The following PKNOX1 variants were observed in gnomAD, a reference collection of about 807,000 sequenced individuals.
PKNOX1 encodes PBX/knotted 1 homeobox 1.
PKNOX1 carries 15 observed loss-of-function variants against 51.9 expected under a neutral mutation model. That is an observed-to-expected ratio of 0.29 (90% confidence interval 0.19 to 0.45). The LOEUF is 0.45. Ranked by LOEUF, PKNOX1 falls within the 20% of genes least tolerant of loss-of-function variation. The pLI, the probability that PKNOX1 is intolerant of heterozygous loss-of-function variation, is 1.00. For missense variants in PKNOX1, 462 were observed against 547.5 expected (o/e 0.84, Z 1.56); for synonymous variants, 219 against 211.1 (o/e 1.04, Z -0.32).
chr21:43,010,267 T>G (rs370008470), intron 4 of PKNOX1, 43 bp downstream of exon 4: 32 of 1,178,428 alleles, frequency 2.7e-5, no homozygotes, highest in Non-Finnish European at 3.7e-5. Context: ...AAATGTGAAA[T>G]CTGTTCATGA....
chr21:43,004,535 G>A (rs777390553), intron 2 of PKNOX1, 103 bp downstream of exon 2: 3 of 812,760 alleles, frequency 3.7e-6, no homozygotes, highest in Admixed American at 1.7e-5. Flanking sequence ...GAGGTTGCAT[G>A]CTCAGTGTTA....
chr21:43,023,761 T>C (rs234718), intron 8 of PKNOX1, among the ~76,000 whole-genome samples: 136,645 of 151,922 alleles, frequency 0.9, 61,574 homozygotes, highest in African/African-American at 0.92. Context: ...ACTACAGGTG[T>C]GTGCCACCAT....
Position 43,013,211 on chromosome 21 carries a change from A to G in PKNOX1, c.495A>G (p.Gly165=). Residue 165 remains glycine, a synonymous_variant, in exon 5 of 11, where the codon GGA becomes GGG. Transcript: ENST00000291547. The part of the protein sequence containing the change: ...NSETLLSGEP[G]SPYSPVQSQQ... Reference sequence around the variant, plus strand: ...AAACTCTGTTGAGTGGAGAGCCTGGAAGCCCGTACTCACCAGTGCAGTCCC... The same window carrying G: ...AAACTCTGTTGAGTGGAGAGCCTGGGAGCCCGTACTCACCAGTGCAGTCCC... The G allele has an allele frequency of 1.2e-6, 2 of 1,612,874 alleles. No homozygotes were observed. Among genetic ancestry groups the G allele is most frequent in the Non-Finnish European group, 1.7e-6 (2 of 1,179,382 alleles).
chr21:43,013,043 A>G, intron 4 of PKNOX1, 25 bp from the exon 5 acceptor site: 1 of 1,553,754 alleles, frequency 6.4e-7, no homozygotes, highest in Non-Finnish European at 8.7e-7. Context: ...TTTTTCTCTG[A>G]AAGTCTTCAT....
At chr21:43,007,288 C>G (rs895152210) in intron 2 of PKNOX1, among the ~76,000 whole-genome samples, 2 of 152,186 alleles carry the variant, frequency 1.3e-5, no homozygotes, top group African/African-American at 2.4e-5. Flanking sequence ...TTGGTTATCT[C>G]AGTTCTTAAG....
chr21:42,993,930 A>G (rs1340624796), intron 1 of PKNOX1, among the ~76,000 whole-genome samples: 1 of 148,254 alleles, frequency 6.7e-6, no homozygotes, highest in Non-Finnish European at 1.5e-5. Flanking sequence ...ACGGGGTTTC[A>G]CCATGTTGGC....
At chr21:43,028,601 C>A in intron 9 of PKNOX1, 101 bp from the exon 10 acceptor site, 1 of 1,035,942 alleles carries the variant, frequency 9.7e-7, no homozygotes, top group Non-Finnish European at 1.5e-6. Flanking sequence ...TTCTTTGTAG[C>A]GTGCTTCGTA....
chr21:42,985,470 G>A (rs977432831), intron 1 of PKNOX1, among the ~76,000 whole-genome samples: 15 of 151,946 alleles, frequency 9.9e-5, no homozygotes, highest in Non-Finnish European at 2.2e-4. Context: ...GAGTAGCTGG[G>A]ATTACAGGTG....
intron 2 of PKNOX1, among the ~76,000 whole-genome samples, chr21:43,005,536 T>C (rs1238483972): frequency 1.6e-4 from 4 of 24,706 alleles, no homozygotes; most frequent in Non-Finnish European, 3.2e-4. Flanking sequence ...CCAATTGACT[T>C]TTTTTTTTTT....
At position 42,983,697 on chromosome 21, in the gene PKNOX1, A is replaced by T. The variant is rs2059037708; in HGVS notation, c.-57+9033A>T. On this transcript the variant is annotated intron_variant, in intron 1 of 10. Coordinates refer to ENST00000291547, the MANE Select transcript of PKNOX1 (RefSeq NM_004571.5). Reference sequence around the variant, plus strand: ...ACTGGAATTCTGTTTTTAATTTTTTAGGGAACCTCCATCCGATTTTTCGCA... The same window carrying T: ...ACTGGAATTCTGTTTTTAATTTTTTTGGGAACCTCCATCCGATTTTTCGCA... Among the ~76,000 whole-genome samples the T allele has an allele frequency of 2.0e-5, 3 of 152,106 alleles. No individual in the cohort carries two copies. In the South Asian group the frequency reaches 6.2e-4, roughly 32 times the overall value.
At chr21:43,029,825 T>G in intron 10 of PKNOX1, 65 bp from the exon 11 acceptor site, 3 of 1,356,582 alleles carry the variant, frequency 2.2e-6, no homozygotes, top group Non-Finnish European at 3.1e-6. Flanking sequence ...AGCACCCAAT[T>G]GAGTAATAAA....
At chr21:42,981,664 A>G (rs1313499395) in intron 1 of PKNOX1, among the ~76,000 whole-genome samples, 2 of 151,986 alleles carry the variant, frequency 1.3e-5, no homozygotes, top group Non-Finnish European at 2.9e-5. Context: ...GGCTCAAGTA[A>G]TCTTCCCGCC....
intron 9 of PKNOX1, among the ~76,000 whole-genome samples, chr21:43,025,270 C>T (rs1421169728): frequency 6.6e-6 from 1 of 152,152 alleles, no homozygotes; most frequent in Non-Finnish European, 1.5e-5. Context: ...ATATCAATAC[C>T]TCATTATGGA....
chr21:42,983,418 C>T (rs1045770096), intron 1 of PKNOX1, among the ~76,000 whole-genome samples: 4 of 152,124 alleles, frequency 2.6e-5, no homozygotes, highest in Non-Finnish European at 4.4e-5. Context: ...CAGCTTAGCT[C>T]ATTTACCATA....
intron 1 of PKNOX1, among the ~76,000 whole-genome samples, chr21:42,980,394 C>G (rs1208159887): frequency 6.7e-6 from 1 of 149,552 alleles, no homozygotes; most frequent in South Asian, 2.1e-4. Flanking sequence ...AAAAAAAATA[C>G]TACTTGTAAA....
rs1185326475 is a variant in PKNOX1 at position 43,033,209 on chromosome 21, G to A, written c.*3108G>A. 5 of 152,130 alleles carry A rather than the reference G, an allele frequency of 3.3e-5. No homozygotes were observed. The highest frequency in any genetic ancestry group is 2.6e-4 in the Admixed American group (4 of 15,264). The allele number at this position is 152,130 out of a possible 1,614,324, so 9.4% of individuals were successfully genotyped here. A position where few individuals can be genotyped will look rare whatever the true frequency, so the allele number is the denominator to read the frequency against. On this transcript the variant is annotated 3_prime_UTR_variant, in exon 11 of 11. Coordinates refer to ENST00000291547, the MANE Select transcript of PKNOX1 (RefSeq NM_004571.5). ...GGCCTTTGCGCTTTGATTCCAGATA[G>A]TAAGATGAGTGGAAGTGTTTATCGA...
rs554899089 is a variant in PKNOX1 at position 43,021,175 on chromosome 21, C to T, written c.721-128C>T. ...GAAACATCAGTCCACACAGGGTTCCCGTGCATGGGCCTCGACTACAATCAT... is the reference window on the plus strand; with the variant it reads ...GAAACATCAGTCCACACAGGGTTCCTGTGCATGGGCCTCGACTACAATCAT... On this transcript the variant is annotated intron_variant, in intron 7 of 10. Coordinates refer to ENST00000291547, the MANE Select transcript of PKNOX1 (RefSeq NM_004571.5). This position sits in a 1 kb window ranked among gnomAD's most constrained non-coding sequence, Gnocchi z 4.6. The T allele has an allele frequency of 6.7e-4, 458 of 683,790 alleles. No homozygotes were observed. The African/African-American group carries it at 7.4e-3, about 11-fold the overall frequency. 42.4% of individuals were successfully genotyped at this position (683,790 alleles called of 1,614,324 possible). A position where few individuals can be genotyped will look rare whatever the true frequency, so the allele number is the denominator to read the frequency against.
intron 8 of PKNOX1, among the ~76,000 whole-genome samples, chr21:43,022,532 G>A (rs1979807761): frequency 6.6e-6 from 1 of 152,104 alleles, no homozygotes; most frequent in East Asian, 1.9e-4. Flanking sequence ...AGGAGCCTGG[G>A]CTGCGCCTCT....
Position 43,024,900 on chromosome 21 carries a change from A to C in PKNOX1, c.879A>C (p.Lys293Asn). ...CCTACCCAACAGAGGATGAGAAAAA[A>C]CAGATTGCTGCTCAGACAAATTTGA... ...GHPYPTEDEK[K>N]QIAAQTNLTL... The change falls in exon 9 of 11, where the codon AAA becomes AAC. Residue 293 changes from lysine to asparagine, a missense_variant. Lys to Asn is a moderately conservative substitution (Grantham distance 94). Around this residue, in one of 5 missense-constraint regions of PKNOX1, gnomAD observed 75 missense variants for 129.8 expected, o/e 0.58. Transcript: ENST00000291547. 6.2e-7 allele frequency: 1 copy of C among 1,612,834 alleles called. No homozygotes were observed. The highest frequency in any genetic ancestry group is 8.5e-7 in the Non-Finnish European group (1 of 1,178,838).
Sources: allele counts gnomAD v4.1 joint callset (sites outside exome capture counted in the v4.1 genomes callset), GRCh38; gene constraint gnomAD v4.1.1; regional missense constraint gnomAD v4.1.1; non-coding constraint Gnocchi (gnomAD v3.1); transcripts MANE v1.5; gene names NCBI Gene and HGNC (gene_info 2026-07-23, HGNC 2026-07-21).